MTRR: variants seen among roughly 807,000 people sequenced by gnomAD.
MTRR encodes the protein 5-methyltetrahydrofolate-homocysteine methyltransferase reductase, also known as methionine synthase reductase.
Under a neutral mutation model 79.2 loss-of-function variants are expected in MTRR, and 63 were observed. The ratio of observed to expected loss-of-function variants is 0.80; its 90% CI spans 0.65 to 0.98. The LOEUF (loss-of-function observed/expected upper bound fraction) is 0.98, where lower values mean the gene tolerates loss of function less well. Among genes scored for constraint, MTRR ranks in the 50% least tolerant of loss-of-function variants. The pLI is 0.00. For missense variants in MTRR, 895 were observed against 839.6 expected (o/e 1.07, Z -0.82); for synonymous variants, 355 against 313.3 (o/e 1.13, Z -1.41).
At chr5:7,868,343 T>C, upstream of MTRR, 1 of 423,202 alleles carries the variant, frequency 2.4e-6, no homozygotes, top group Non-Finnish European at 4.2e-6. Context: ...AGGTATTCTA[T>C]TAACTTACAC....
chr5:7,877,477 A>G (rs1051424158), intron 4 of MTRR, among the ~76,000 whole-genome samples: 2 of 148,090 alleles, frequency 1.4e-5, no homozygotes, highest in South Asian at 2.2e-4. Context: ...TAGGAAACAG[A>G]TCAGTAGATC....
chr5:7,867,079 C>G (rs920084898), upstream of MTRR: 3 of 1,614,182 alleles, frequency 1.9e-6, no homozygotes, highest in Non-Finnish European at 1.7e-6. Flanking sequence ...CCAAGACTCT[C>G]CTAAGCTCCT....
At chr5:7,887,793 C>CATATATACATACATAT (rs1491410388) in intron 8 of MTRR, among the ~76,000 whole-genome samples, 1 of 92,052 alleles carries the variant, frequency 1.1e-5, no homozygotes, top group African/African-American at 5.5e-5. Flanking sequence ...TGTGTGTGTG[C>CATATATACATACATAT]ATATATATAT....
chr5:7,860,111 A>G (rs1746427876), intron 1 of MTRR, among the ~76,000 whole-genome samples: 1 of 152,302 alleles, frequency 6.6e-6, no homozygotes, highest in East Asian at 1.9e-4. Flanking sequence ...GAATGTTAAG[A>G]TGTAGAGAAG....
At chr5:7,859,259 A>G (rs1746363948) in intron 1 of MTRR, 1 of 388,176 alleles carries the variant, frequency 2.6e-6, no homozygotes, top group Admixed American at 4.5e-5. Flanking sequence ...ATTAAAATTA[A>G]TTTTAAATTT....
chr5:7,874,970 T>G (rs1228695511), intron 3 of MTRR, among the ~76,000 whole-genome samples: 1 of 152,148 alleles, frequency 6.6e-6, no homozygotes, highest in African/African-American at 2.4e-5. Flanking sequence ...GTTTTAAGAT[T>G]TCTATATTTT....
rs1343821146 is a variant in MTRR at position 7,878,277 on chromosome 5, A to G, written c.735A>G (p.Leu245=). The change falls in exon 5 of 15, where the codon TTA becomes TTG. Residue 245 remains leucine, a synonymous_variant. Transcript: ENST00000440940. ...AAGCCTCTCTGAATATTCCTGGTTT[A>G]CCCCCAGAATATTTACAGGTACATC... The part of the protein sequence containing the change: ...LSQASLNIPG[L]PPEYLQVHLQ... 22 of 1,614,102 alleles carry G rather than the reference A, an allele frequency of 1.4e-5. No individual in the cohort carries two copies. Among genetic ancestry groups the G allele is most frequent in the Non-Finnish European group, 1.9e-5 (22 of 1,180,030 alleles).
intron 2 of MTRR, among the ~76,000 whole-genome samples, chr5:7,871,212 C>A (rs1437470202): frequency 6.6e-6 from 1 of 152,258 alleles, no homozygotes; most frequent in South Asian, 2.1e-4. Flanking sequence ...GCTGTGAGAA[C>A]AAGTGAGATG....
At chr5:7,855,407 A>C (rs1393612705) in intron 1 of MTRR, among the ~76,000 whole-genome samples, 1 of 122,514 alleles carries the variant, frequency 8.2e-6, no homozygotes, top group Non-Finnish European at 1.7e-5. Context: ...ATTTCTCTAG[A>C]AACATTCCAG....
Position 7,897,314 on chromosome 5 carries a change from G to C in MTRR, c.1952+67G>C, listed in dbSNP as rs143443590. The C allele has an allele frequency of 7.4e-3, 11,142 of 1,505,646 alleles. 60 individuals are homozygous for C. Among genetic ancestry groups the C allele is most frequent in the Middle Eastern group, 0.011 (50 of 4,588 alleles). The allele number at this position is 1,505,646 out of a possible 1,614,324, so 93.3% of individuals were successfully genotyped here. A position where few individuals can be genotyped will look rare whatever the true frequency, so the allele number is the denominator to read the frequency against. ...CAGTGATGTCTGTAGAAGAAAAAAAGGACCGAGAAGCCAATAATCTAGATA... is the reference window on the plus strand; with the variant it reads ...CAGTGATGTCTGTAGAAGAAAAAAACGACCGAGAAGCCAATAATCTAGATA... On this transcript the variant is annotated intron_variant, in intron 14 of 14. Transcript: ENST00000440940.
chr5:7,895,968 C>A, intron 12 of MTRR, 116 bp downstream of exon 12: 4 of 1,289,134 alleles, frequency 3.1e-6, no homozygotes, highest in Non-Finnish European at 1.1e-6. Context: ...AATTATTATT[C>A]AATGTGCGAT....
intron 8 of MTRR, 140 bp from the exon 9 acceptor site, chr5:7,888,952 CCCT>C (rs1737079667): frequency 2.4e-6 from 2 of 821,324 alleles, no homozygotes; most frequent in Admixed American, 2.2e-5. Context: ...AAATTAAATT[CCCT>C]CCTCCTGACA....
chr5:7,874,316 AT>A (rs1201911898), intron 3 of MTRR, among the ~76,000 whole-genome samples: 1 of 152,194 alleles, frequency 6.6e-6, no homozygotes, highest in Admixed American at 6.5e-5. Context: ...CTGATTAGAA[AT>A]TTGAGATTGT....
chr5:7,892,003 C>T (rs1737686723), intron 10 of MTRR, among the ~76,000 whole-genome samples: 1 of 152,056 alleles, frequency 6.6e-6, no homozygotes, highest in African/African-American at 2.4e-5. Context: ...GATCGAGCCA[C>T]TGCACTCCAG....
intron 4 of MTRR, 106 bp from the exon 5 acceptor site, chr5:7,877,838 A>G (rs1734836393): frequency 6.8e-7 from 1 of 1,479,424 alleles, no homozygotes; most frequent in African/African-American, 1.4e-5. Context: ...TAGTGTTTCT[A>G]ACAAGTGCAT....
At chr5:7,876,860 G>A (rs1734645244) in intron 4 of MTRR, among the ~76,000 whole-genome samples, 1 of 152,234 alleles carries the variant, frequency 6.6e-6, no homozygotes, top group South Asian at 2.1e-4. Flanking sequence ...TAAACACTCA[G>A]TGAACGTTAG....
chr5:7,867,106 G>A, upstream of MTRR: 4 of 1,614,178 alleles, frequency 2.5e-6, no homozygotes, highest in Non-Finnish European at 3.4e-6. Context: ...TGAAATGTGG[G>A]ACATGCCTCA....
At chr5:7,860,903 C>A (rs762212734) in intron 1 of MTRR, among the ~76,000 whole-genome samples, 6 of 152,130 alleles carry the variant, frequency 3.9e-5, no homozygotes, top group Non-Finnish European at 7.3e-5. Context: ...TCAAACAAGG[C>A]AGCAAGAATA....
At chr5:7,867,090 C>T (rs551054714), upstream of MTRR, 42 of 1,614,104 alleles carry the variant, frequency 2.6e-5, 1 homozygote, top group South Asian at 3.1e-4. Flanking sequence ...CTAAGCTCCT[C>T]GTTAGTGAAA....
Sources: gnomAD v4.1 joint callset for allele counts (sites outside exome capture counted in the v4.1 genomes callset) on GRCh38, gnomAD v4.1.1 for gene constraint, MANE v1.5 for transcripts, NCBI Gene and HGNC (gene_info 2026-07-23, HGNC 2026-07-21) for gene names.